Variants in COL21A1 observed in about 807,000 individuals in gnomAD.
COL21A1 encodes the protein collagen alpha-1(XXI) chain.
In COL21A1, 149 loss-of-function variants were observed where a neutral mutation model predicts 137.9. The observed-to-expected ratio is 1.08, with a 90% CI of 0.95 to 1.24. The LOEUF (loss-of-function observed/expected upper bound fraction) is 1.24, where lower values mean the gene tolerates loss of function less well. Ranked by LOEUF, COL21A1 falls within the 50% of genes most tolerant of loss-of-function variation. COL21A1 has a pLI of 0.00. For synonymous variants in COL21A1, 456 were observed against 391.5 expected (o/e 1.16, Z -1.95); for missense variants, 1,167 against 1,158.4 (o/e 1.01, Z -0.11).
Position 56,069,120 on chromosome 6 carries a change from A to T in COL21A1, c.2020-3T>A. 1 of 1,589,670 alleles carries T rather than the reference A, an allele frequency of 6.3e-7. No individual in the cohort carries two copies. Among genetic ancestry groups the T allele is most frequent in the Non-Finnish European group, 8.6e-7 (1 of 1,167,018 alleles). On this transcript the variant is annotated splice_polypyrimidine_tract_variant and splice_region_variant and intron_variant, in intron 21 of 29. Transcript: ENST00000244728. ...GAACCCGTTGCTCCTGGTTCTCCCT[A>T]TGTAACACAGAAATTCCAGAAAGAT...
chr6:56,391,078 C>G (rs183573391), intron 1 of COL21A1, among the ~76,000 whole-genome samples: 1 of 152,254 alleles, frequency 6.6e-6, no homozygotes, highest in East Asian at 1.9e-4. Context: ...GGTCACAAAA[C>G]AAGTCCCAAA....
chr6:56,118,787 A>T (rs191243847), intron 16 of COL21A1, among the ~76,000 whole-genome samples: 1 of 152,244 alleles, frequency 6.6e-6, no homozygotes, highest in Non-Finnish European at 1.5e-5. Flanking sequence ...TATGCAAATC[A>T]ATCAAAATGA....
At chr6:56,109,215 A>T (rs1384749637) in intron 16 of COL21A1, among the ~76,000 whole-genome samples, 1 of 151,746 alleles carries the variant, frequency 6.6e-6, no homozygotes, top group Non-Finnish European at 1.5e-5. Context: ...AAAGTAAAAA[A>T]CAAAAATTTA....
At chr6:56,239,606 T>C (rs551489368) in intron 1 of COL21A1, among the ~76,000 whole-genome samples, 7 of 152,300 alleles carry the variant, frequency 4.6e-5, no homozygotes, top group African/African-American at 1.4e-4. Context: ...AAAAAAATTT[T>C]TTATATAATT....
intron 1 of COL21A1, among the ~76,000 whole-genome samples, chr6:56,310,585 A>G (rs1014230430): frequency 2.0e-5 from 3 of 152,118 alleles, no homozygotes; most frequent in Admixed American, 1.3e-4. Context: ...ACTATTACTG[A>G]CTCATAATTT....
chr6:56,130,424 A>G (rs1398237227), intron 12 of COL21A1, among the ~76,000 whole-genome samples: 1 of 151,802 alleles, frequency 6.6e-6, no homozygotes, highest in Non-Finnish European at 1.5e-5. Context: ...GAGCTAGACT[A>G]AGATATACTA....
At chr6:56,289,540 A>T (rs1763991453) in intron 1 of COL21A1, among the ~76,000 whole-genome samples, 1 of 152,218 alleles carries the variant, frequency 6.6e-6, no homozygotes, top group Non-Finnish European at 1.5e-5. Context: ...TGTAGTCTCC[A>T]GCATCTAGAA....
At chr6:56,324,954 G>A (rs1764970393) in intron 1 of COL21A1, among the ~76,000 whole-genome samples, 1 of 151,636 alleles carries the variant, frequency 6.6e-6, no homozygotes, top group African/African-American at 2.4e-5. Context: ...TTTTATCTCT[G>A]AAGATGAAGG....
intron 1 of COL21A1, among the ~76,000 whole-genome samples, chr6:56,347,752 T>A (rs1453177972): frequency 6.6e-6 from 1 of 152,102 alleles, no homozygotes; most frequent in Non-Finnish European, 1.5e-5. Context: ...AATCTCTTTC[T>A]GATGATAAGA....
chr6:56,167,487 C>G (rs888960003), intron 6 of COL21A1, among the ~76,000 whole-genome samples: 15 of 152,178 alleles, frequency 9.9e-5, no homozygotes, highest in African/African-American at 3.1e-4. Context: ...ATAGAGACCA[C>G]ATGTGTAAAC....
intron 10 of COL21A1, among the ~76,000 whole-genome samples, chr6:56,147,313 T>C (rs1312898338): frequency 6.6e-6 from 1 of 151,940 alleles, no homozygotes; most frequent in Non-Finnish European, 1.5e-5. Flanking sequence ...TACCTATTTC[T>C]CCCCAGTAGA....
intron 1 of COL21A1, among the ~76,000 whole-genome samples, chr6:56,284,464 T>G (rs2152334498): frequency 6.6e-6 from 1 of 152,290 alleles, no homozygotes; most frequent in South Asian, 2.1e-4. Context: ...TGTCATCAAC[T>G]TACCACATTT....
intron 1 of COL21A1, among the ~76,000 whole-genome samples, chr6:56,387,351 G>A (rs2094020049): frequency 6.6e-6 from 1 of 152,088 alleles, no homozygotes; most frequent in Non-Finnish European, 1.5e-5. Flanking sequence ...TGTGCAAGAG[G>A]AGGACAGAAC....
chr6:56,137,212 C>T (rs1420118733), intron 12 of COL21A1, among the ~76,000 whole-genome samples: 1 of 152,116 alleles, frequency 6.6e-6, no homozygotes, highest in Non-Finnish European at 1.5e-5. Context: ...GTATGACTTA[C>T]TGTACTAATC....
At chr6:56,365,707 C>T (rs1013519793) in intron 1 of COL21A1, among the ~76,000 whole-genome samples, 1 of 152,182 alleles carries the variant, frequency 6.6e-6, no homozygotes, top group African/African-American at 2.4e-5. Context: ...TAATAAAATG[C>T]TCCCACCATT....
chr6:56,297,254 C>T (rs1245492206), intron 1 of COL21A1, among the ~76,000 whole-genome samples: 3 of 152,080 alleles, frequency 2.0e-5, no homozygotes, highest in Non-Finnish European at 2.9e-5. Flanking sequence ...CAAGTGAAAA[C>T]TGGTTTCTAT....
chr6:56,157,072 T>A (rs74296583), intron 9 of COL21A1, 123 bp from the exon 10 acceptor site: 138 of 496,896 alleles, frequency 2.8e-4, no homozygotes, highest in South Asian at 5.5e-4. Flanking sequence ...AAAACAAAAG[T>A]AAAAAAAAAA....
chr6:56,188,874 G>T (rs947804048), intron 1 of COL21A1, among the ~76,000 whole-genome samples: 14 of 152,162 alleles, frequency 9.2e-5, no homozygotes, highest in African/African-American at 3.1e-4. Context: ...AACTCCAGTG[G>T]ACCTGCTGCA....
chr6:56,300,157 G>A lies in COL21A1; in HGVS notation c.-39+93814C>T, dbSNP rs563966362. On this transcript the variant is annotated intron_variant, in intron 1 of 28. Transcript: ENST00000370819. ...GTGCCGGAAGCCAACATGAATATGAGGAAATTCATTAACAGATCCTTCTAA... is the reference window on the plus strand; with the variant it reads ...GTGCCGGAAGCCAACATGAATATGAAGAAATTCATTAACAGATCCTTCTAA... Among the ~76,000 whole-genome samples the A allele has an allele frequency of 4.6e-5, 7 of 152,148 alleles. No individual in the cohort carries two copies. In the South Asian group the frequency reaches 1.5e-3, roughly 32 times the overall value.
Sources: allele counts gnomAD v4.1 joint callset (sites outside exome capture counted in the v4.1 genomes callset), GRCh38; gene constraint gnomAD v4.1.1; transcripts MANE v1.5; gene names NCBI Gene and HGNC (gene_info 2026-07-23, HGNC 2026-07-21).